The following CNTNAP2 variants were observed in gnomAD, a reference collection of about 807,000 sequenced individuals.
CNTNAP2 encodes the protein contactin-associated protein-like 2.
Under a neutral mutation model 155.2 loss-of-function variants are expected in CNTNAP2, and 98 were observed. The observed-to-expected ratio is 0.63, with a 90% CI of 0.54 to 0.75. The LOEUF (loss-of-function observed/expected upper bound fraction) is 0.75, where lower values mean the gene tolerates loss of function less well. Among genes scored for constraint, CNTNAP2 ranks in the 30% least tolerant of loss-of-function variants. The pLI, the probability that CNTNAP2 is intolerant of heterozygous loss-of-function variation, is 0.00. For missense variants in CNTNAP2, 1,727 were observed against 1,688.1 expected (o/e 1.02, Z -0.40); for synonymous variants, 651 against 631.2 (o/e 1.03, Z -0.47).
At chr7:147,096,285 T>G (rs1800531646) in intron 4 of CNTNAP2, among the ~76,000 whole-genome samples, 1 of 152,208 alleles carries the variant, frequency 6.6e-6, no homozygotes, top group Admixed American at 6.5e-5. Context: ...TGGTGAACAT[T>G]TAAATTGGAG....
chr7:147,278,852 T>G (rs1356406996), intron 8 of CNTNAP2, among the ~76,000 whole-genome samples: 1 of 151,454 alleles, frequency 6.6e-6, no homozygotes, highest in Non-Finnish European at 1.5e-5. Context: ...GTCTAAAAAT[T>G]ATAAATAACA....
chr7:147,733,152 T>C (rs1269034703), intron 13 of CNTNAP2, among the ~76,000 whole-genome samples: 1 of 152,254 alleles, frequency 6.6e-6, no homozygotes, highest in Non-Finnish European at 1.5e-5. Context: ...CTTCTAAGGC[T>C]TTTATGGTTT....
intron 9 of CNTNAP2, among the ~76,000 whole-genome samples, chr7:147,306,736 G>C (rs1190721162): frequency 1.3e-5 from 2 of 152,160 alleles, no homozygotes; most frequent in African/African-American, 4.8e-5. Flanking sequence ...TATACTTAGG[G>C]ACAAGGGGAA....
intron 9 of CNTNAP2, among the ~76,000 whole-genome samples, chr7:147,318,636 G>A (rs1447053431): frequency 6.6e-6 from 1 of 151,874 alleles, no homozygotes; most frequent in African/African-American, 2.4e-5. Flanking sequence ...GACACAGGGA[G>A]GGGAACATCA....
intron 1 of CNTNAP2, among the ~76,000 whole-genome samples, chr7:146,514,209 G>A (rs73464779): frequency 0.027 from 4,178 of 152,032 alleles, 202 homozygotes; most frequent in African/African-American, 0.096. Flanking sequence ...ACCTGGGATA[G>A]TATCATTTGG....
chr7:148,275,378 C>T (rs765224437), intron 21 of CNTNAP2, among the ~76,000 whole-genome samples: 1 of 152,160 alleles, frequency 6.6e-6, no homozygotes, highest in Non-Finnish European at 1.5e-5. Flanking sequence ...AACACAGAAG[C>T]TGGGACCCTA....
chr7:146,452,329 T>C (rs1191370503), intron 1 of CNTNAP2, among the ~76,000 whole-genome samples: 6 of 152,218 alleles, frequency 3.9e-5, no homozygotes, highest in African/African-American at 9.6e-5. Context: ...TGATACTCAT[T>C]ATTACCCACT....
intron 1 of CNTNAP2, among the ~76,000 whole-genome samples, chr7:146,259,925 A>C (rs1054383566): frequency 6.6e-6 from 1 of 152,220 alleles, no homozygotes. Context: ...TCTTGACAGC[A>C]GCCCCTCCCA....
chr7:148,112,140 A>G (rs1017641335), intron 15 of CNTNAP2, among the ~76,000 whole-genome samples: 1 of 152,238 alleles, frequency 6.6e-6, no homozygotes, highest in Admixed American at 6.5e-5. Flanking sequence ...AATGTTGGAA[A>G]ATGTTTGAGA....
intron 7 of CNTNAP2, among the ~76,000 whole-genome samples, chr7:147,130,378 C>A (rs557977221): frequency 6.6e-6 from 1 of 152,006 alleles, no homozygotes; most frequent in Admixed American, 6.6e-5. Flanking sequence ...CTTGAGCCCA[C>A]AAGTTTGAGG....
At chr7:146,568,342 TC>T (rs1211598061) in intron 1 of CNTNAP2, among the ~76,000 whole-genome samples, 1 of 152,232 alleles carries the variant, frequency 6.6e-6, no homozygotes, top group Non-Finnish European at 1.5e-5. Flanking sequence ...TTTCTCCTCA[TC>T]CTTTTTCTGT....
chr7:146,374,654 G>A (rs528374066), intron 1 of CNTNAP2, among the ~76,000 whole-genome samples: 2 of 152,260 alleles, frequency 1.3e-5, no homozygotes, highest in South Asian at 4.1e-4. Context: ...AGTCAGAGGG[G>A]ATATGGGAAA....
At chr7:147,113,501 G>A (rs1437200809) in intron 5 of CNTNAP2, among the ~76,000 whole-genome samples, 1 of 151,972 alleles carries the variant, frequency 6.6e-6, no homozygotes, top group East Asian at 1.9e-4. Flanking sequence ...GAGGCCTCAG[G>A]AAACTTACAA....
chr7:147,411,490 G>A (rs1472698180), intron 10 of CNTNAP2, among the ~76,000 whole-genome samples: 1 of 152,154 alleles, frequency 6.6e-6, no homozygotes, highest in Non-Finnish European at 1.5e-5. Context: ...CATGTAAGAT[G>A]TCTGAAATAG....
At position 147,918,356 on chromosome 7, in the gene CNTNAP2, T is replaced by TA. The variant is rs1800197789; in HGVS notation, c.2255+14636dup. ...TTTTGCATTGAGTCATAAACCCACA[T>TA]AGACATACACTCATCTCTGCTTTAG... On this transcript the variant is annotated intron_variant, in intron 14 of 23. Coordinates refer to ENST00000361727, the MANE Select transcript of CNTNAP2 (RefSeq NM_014141.6). 5.3e-5 allele frequency among the ~76,000 whole-genome samples: 8 copies of TA among 152,358 alleles called. No homozygotes were observed. The South Asian group carries it at 1.7e-3, about 32-fold the overall frequency.
chr7:146,238,244 T>C lies in CNTNAP2; in HGVS notation c.97+121271T>C, dbSNP rs191835090. 4.7e-4 allele frequency among the ~76,000 whole-genome samples: 72 copies of C among 152,284 alleles called. No homozygotes were observed. The East Asian group carries it at 0.012, about 24-fold the overall frequency. The stretch of plus-strand genomic sequence containing the variant: ...AGTACAACTGGCCGTCTTTAGGAAA[T>C]AGGAATCAGGAACGAATGGTTGTTG... On this transcript the variant is annotated intron_variant, in intron 1 of 23. Transcript: ENST00000361727.
At chr7:147,515,797 T>G (rs1799116433) in intron 11 of CNTNAP2, among the ~76,000 whole-genome samples, 1 of 152,210 alleles carries the variant, frequency 6.6e-6, no homozygotes, top group African/African-American at 2.4e-5. Flanking sequence ...AAATATTTTT[T>G]GGATTAACTA....
At chr7:146,829,352 A>G (rs1211896950) in intron 2 of CNTNAP2, among the ~76,000 whole-genome samples, 1 of 152,054 alleles carries the variant, frequency 6.6e-6, no homozygotes, top group African/African-American at 2.4e-5. Context: ...AAGTTCTAAT[A>G]ACTTTTGTTA....
intron 8 of CNTNAP2, among the ~76,000 whole-genome samples, chr7:147,252,951 C>T (rs1156914775): frequency 1.3e-5 from 2 of 152,160 alleles, no homozygotes; most frequent in African/African-American, 4.8e-5. Flanking sequence ...GGAAGCCTGC[C>T]TCTTGTGTTC....
Sources: gnomAD v4.1 joint callset for allele counts (sites outside exome capture counted in the v4.1 genomes callset) on GRCh38, gnomAD v4.1.1 for gene constraint, MANE v1.5 for transcripts, NCBI Gene and HGNC (gene_info 2026-07-23, HGNC 2026-07-21) for gene names.